The following NUP155 variants were observed in gnomAD, a reference collection of about 807,000 sequenced individuals.
NUP155 encodes the protein nucleoporin 155.
Under a neutral mutation model 180.4 loss-of-function variants are expected in NUP155, and 71 were observed. The ratio of observed to expected loss-of-function variants is 0.39; its 90% CI spans 0.33 to 0.48. The LOEUF (loss-of-function observed/expected upper bound fraction) is 0.48. Ranked by LOEUF, NUP155 falls within the 20% of genes least tolerant of loss-of-function variation. The pLI is 0.91. For missense variants in NUP155, 1,553 were observed against 1,648.9 expected (o/e 0.94, Z 1.01); for synonymous variants, 582 against 559.5 (o/e 1.04, Z -0.57).
intron 15 of NUP155, 50 bp from the exon 16 acceptor site, chr5:37,329,328 T>C (rs1744808867): frequency 7.0e-7 from 1 of 1,429,530 alleles, no homozygotes; most frequent in South Asian, 1.1e-5. Context: ...AAACCATCCA[T>C]CTTAAAAACT....
At chr5:37,317,552 A>AT (rs1209758520) in intron 21 of NUP155, among the ~76,000 whole-genome samples, 1 of 152,158 alleles carries the variant, frequency 6.6e-6, no homozygotes, top group African/African-American at 2.4e-5. Context: ...TTTCACCACA[A>AT]TAAAAAAAAC....
intron 3 of NUP155, among the ~76,000 whole-genome samples, chr5:37,360,485 A>C (rs1747127963): frequency 7.1e-6 from 1 of 141,100 alleles, no homozygotes. Flanking sequence ...ACTCAGTCTC[A>C]AAAAAAAAAG....
intron 21 of NUP155, among the ~76,000 whole-genome samples, chr5:37,316,192 A>T (rs1176426598): frequency 6.6e-6 from 1 of 152,228 alleles, no homozygotes; most frequent in Non-Finnish European, 1.5e-5. Flanking sequence ...GATAAAGGAA[A>T]TGTGGTATAT....
intron 32 of NUP155, 130 bp from the exon 33 acceptor site, chr5:37,294,595 G>A (rs1258134188): frequency 4.4e-6 from 4 of 909,180 alleles, no homozygotes; most frequent in Non-Finnish European, 5.1e-6. Context: ...TTGGGGCGGG[G>A]GGTTTTTTTT....
At chr5:37,366,751 A>G (rs1747610375) in intron 1 of NUP155, among the ~76,000 whole-genome samples, 3 of 150,784 alleles carry the variant, frequency 2.0e-5, no homozygotes. Context: ...ACCTGGGTTC[A>G]GGCCATTCTT....
chr5:37,318,544 T>C (rs1476487840), intron 20 of NUP155, among the ~76,000 whole-genome samples: 1 of 152,082 alleles, frequency 6.6e-6, no homozygotes, highest in Non-Finnish European at 1.5e-5. Flanking sequence ...ATCAGCATGA[T>C]GCTCAAAGGA....
Position 37,304,790 on chromosome 5 carries a change from A to G in NUP155, c.3111T>C (p.Ile1037=), listed in dbSNP as rs771978457. ...SQRSKDELFS[I]ALYNWLIQVD... ...CTTGTATTAGCCAATTATAAAGGGC[A>G]ATACTAAAGAGCTCATCCTTGGATC... The change falls in exon 27 of 35, where the codon ATT becomes ATC. Residue 1037 remains isoleucine (I), a synonymous_variant. Transcript: ENST00000231498. The G allele has an allele frequency of 6.2e-7, 1 of 1,614,038 alleles. No homozygotes were observed. Among genetic ancestry groups the G allele is most frequent in the South Asian group, 1.1e-5 (1 of 91,072 alleles).
At chr5:37,300,859 C>T (rs971112800) in intron 30 of NUP155, among the ~76,000 whole-genome samples, 23 of 149,172 alleles carry the variant, frequency 1.5e-4, no homozygotes, top group Non-Finnish European at 2.8e-4. Flanking sequence ...CTTGCTCTGT[C>T]GCCCAGGCTC....
Position 37,290,499 on chromosome 5 carries a change from A to AATTC in NUP155, c.*1400_*1401insGAAT. The stretch of plus-strand genomic sequence containing the variant: ...TCTCCAAAAAAAAAAAAAAGAGAGA[A>AATTC]AGGAATAGAGTGTTTTGTTAGCTCT... On this transcript the variant is annotated 3_prime_UTR_variant, in exon 35 of 35. Transcript: ENST00000231498. The AATTC allele has an allele frequency of 6.6e-6, 1 of 151,672 alleles. No individual in the cohort carries two copies. The highest frequency in any genetic ancestry group is 2.1e-4 in the South Asian group (1 of 4,816). The allele number at this position is 151,672 out of a possible 1,614,324, so 9.4% of individuals were successfully genotyped here.
At position 37,305,014 on chromosome 5, in the gene NUP155, T is replaced by C. The variant is rs1478188648; in HGVS notation, c.3057+43A>G. 3.7e-6 allele frequency: 6 copies of C among 1,604,972 alleles called. No homozygotes were observed. In the Admixed American group the frequency reaches 6.7e-5, roughly 18 times the overall value. On this transcript the variant is annotated intron_variant, in intron 26 of 34. Transcript: ENST00000231498. Reference sequence around the variant, plus strand: ...TGCTACCATTACCATGGAGAACTTCTAAACAGTGTATTCTCAGAATGAAAA... The same window carrying C: ...TGCTACCATTACCATGGAGAACTTCCAAACAGTGTATTCTCAGAATGAAAA...
At chr5:37,332,168 CAAAAA>C (rs11305356) in intron 13 of NUP155, among the ~76,000 whole-genome samples, 4 of 100,138 alleles carry the variant, frequency 4.0e-5, no homozygotes, top group Non-Finnish European at 6.6e-5. Flanking sequence ...TCAATTTAGG[CAAAAA>C]AAAAAAAAAA....
At chr5:37,344,432 TA>T (rs1745943606) in intron 9 of NUP155, among the ~76,000 whole-genome samples, 1 of 145,782 alleles carries the variant, frequency 6.9e-6, no homozygotes, top group African/African-American at 2.5e-5. Context: ...AATCTAATTA[TA>T]AAAAAAGATA....
intron 22 of NUP155, among the ~76,000 whole-genome samples, chr5:37,312,967 G>A (rs906061853): frequency 6.6e-6 from 1 of 152,046 alleles, no homozygotes; most frequent in African/African-American, 2.4e-5. Flanking sequence ...TTTTGTATAC[G>A]TTTAGAAATG....
chr5:37,331,850 G>C, intron 13 of NUP155, 55 bp from the exon 14 acceptor site: 3 of 994,530 alleles, frequency 3.0e-6, no homozygotes, highest in Non-Finnish European at 4.8e-6. Context: ...TTGGCTGATA[G>C]CAACTGACTC....
chr5:37,370,188 G>A (rs1327463659), intron 1 of NUP155, among the ~76,000 whole-genome samples: 9 of 152,250 alleles, frequency 5.9e-5, no homozygotes, highest in Middle Eastern at 6.8e-3. Context: ...AGGCCAATAT[G>A]GTGAAACCCC....
rs1747928694 is a variant in NUP155, at chr5:37,370,962, A to G, written c.16T>C (p.Leu6=). ...GTAGAGGCCGGCATCGCCGCGCCCA[A>G]CAAAGAAGACGGCATCTCGGAAATC... MPSSL[L]GAAMPASTSA... The change falls in exon 1 of 35, where the codon TTG becomes CTG. Residue 6 remains leucine (L), a synonymous_variant. Coordinates refer to ENST00000231498, the MANE Select transcript of NUP155 (RefSeq NM_153485.3). 2 of 1,614,018 alleles carry G rather than the reference A, an allele frequency of 1.2e-6. No homozygotes were observed. Among genetic ancestry groups the G allele is most frequent in the Non-Finnish European group, 1.7e-6 (2 of 1,180,032 alleles).
chr5:37,294,024 A>AAAAAAAAAAAAAAT (rs1742382479), intron 33 of NUP155, among the ~76,000 whole-genome samples: 1 of 76,194 alleles, frequency 1.3e-5, no homozygotes. Context: ...AAAAAAAAAA[A>AAAAAAAAAAAAAAT]AAAATAAAGC....
At chr5:37,354,834 G>A (rs1746708914) in intron 4 of NUP155, among the ~76,000 whole-genome samples, 1 of 152,046 alleles carries the variant, frequency 6.6e-6, no homozygotes, top group Admixed American at 6.5e-5. Context: ...GCTCACGCCT[G>A]TAATCTCAGC....
chr5:37,314,839 T>C (rs1428815362), intron 21 of NUP155, among the ~76,000 whole-genome samples: 1 of 152,018 alleles, frequency 6.6e-6, no homozygotes, highest in Non-Finnish European at 1.5e-5. Flanking sequence ...ATTTAAAAGA[T>C]AGTAAAAAAG....
Sources: gnomAD v4.1 joint callset for allele counts (sites outside exome capture counted in the v4.1 genomes callset) on GRCh38, gnomAD v4.1.1 for gene constraint, MANE v1.5 for transcripts, NCBI Gene and HGNC (gene_info 2026-07-23, HGNC 2026-07-21) for gene names.